TIMP3: variants seen among roughly 807,000 people sequenced by gnomAD.
The protein encoded by TIMP3 is TIMP metallopeptidase inhibitor 3.
A neutral mutation model predicts 30.0 loss-of-function variants in TIMP3; 11 were observed. The observed-to-expected ratio is 0.37, with a 90% confidence interval of 0.23 to 0.61. The LOEUF (loss-of-function observed/expected upper bound fraction) is 0.61. Among genes scored for constraint, TIMP3 ranks in the 20% least tolerant of loss-of-function variants. The probability of loss-of-function intolerance (pLI) is 0.70; values close to 1 mark genes in which losing one functional copy is unlikely to be tolerated. For synonymous variants in TIMP3, 112 were observed against 111.3 expected, an observed-to-expected ratio of 1.01 and a Z score of -0.04; for missense variants, 181 against 276.8, an observed-to-expected ratio of 0.65 and a Z score of 2.45.
intron 2 of TIMP3, among the ~76,000 whole-genome samples, chr22:32,850,206 G>T (rs2146248638): frequency 6.6e-6 from 1 of 151,706 alleles, no homozygotes; most frequent in Middle Eastern, 3.4e-3. Context: ...TTAAGAAAAA[G>T]AACACCAGAT....
chr22:32,828,868 G>A (rs2047489771), intron 1 of TIMP3, among the ~76,000 whole-genome samples: 1 of 152,140 alleles, frequency 6.6e-6, no homozygotes, highest in Admixed American at 6.5e-5. Flanking sequence ...CAAGCTTGGG[G>A]GAGACAGTCA....
chr22:32,859,099 G>A (rs780963197), intron 4 of TIMP3, 81 bp from the exon 5 acceptor site: 8 of 1,443,936 alleles, frequency 5.5e-6, no homozygotes, highest in South Asian at 1.1e-5. Flanking sequence ...TGGCCCCAGG[G>A]TCTGAATCCA....
intron 1 of TIMP3, among the ~76,000 whole-genome samples, chr22:32,843,924 G>T (rs1373801126): frequency 6.6e-6 from 1 of 152,112 alleles, no homozygotes; most frequent in Non-Finnish European, 1.5e-5. Flanking sequence ...ACAGGAATGG[G>T]GGTGTTGTGT....
chr22:32,835,309 G>A (rs2047698486), intron 1 of TIMP3, among the ~76,000 whole-genome samples: 1 of 152,216 alleles, frequency 6.6e-6, no homozygotes, highest in Non-Finnish European at 1.5e-5. Context: ...AGATACAATT[G>A]TGAGCAAAGC....
rs193154411 is a variant in TIMP3, at chr22:32,811,234, G to A, written c.121+9112G>A. 4.8e-3 allele frequency among the ~76,000 whole-genome samples: 726 copies of A among 152,254 alleles called. 9 individuals carry two copies. Among genetic ancestry groups the A allele is most frequent in the African/African-American group, 0.015 (618 of 41,552 alleles). On this transcript the variant is annotated intron_variant, in intron 1 of 4. Transcript: ENST00000266085. The stretch of plus-strand genomic sequence containing the variant: ...ATCAAAGATAAGCAGACTGAGGGGG[G>A]CCCCAAAAGTGGGGAGCCAAAGACT...
intron 1 of TIMP3, among the ~76,000 whole-genome samples, chr22:32,831,025 G>A (rs1485972835): frequency 6.6e-6 from 1 of 152,206 alleles, no homozygotes; most frequent in African/African-American, 2.4e-5. Context: ...TATTGACAGA[G>A]TGAAAAGTAT....
intron 1 of TIMP3, among the ~76,000 whole-genome samples, chr22:32,815,481 C>T (rs1390768048): frequency 6.6e-6 from 1 of 152,146 alleles, no homozygotes; most frequent in Non-Finnish European, 1.5e-5. Flanking sequence ...CCTTTTAAAG[C>T]ATTATCTCCT....
Position 32,862,262 on chromosome 22 carries a change from T to G in TIMP3, c.*2885T>G, listed in dbSNP as rs1239595882. 6.6e-6 allele frequency: 1 copy of G among 152,276 alleles called. No individual in the cohort carries two copies. The highest frequency in any genetic ancestry group is 1.5e-5 in the Non-Finnish European group (1 of 68,096). The allele number at this position is 152,276 out of a possible 1,614,324, so 9.4% of individuals were successfully genotyped here. A position where few individuals can be genotyped will look rare whatever the true frequency, so the allele number is the denominator to read the frequency against. On this transcript the variant is annotated 3_prime_UTR_variant, in exon 5 of 5. Coordinates refer to ENST00000266085, the MANE Select transcript of TIMP3 (RefSeq NM_000362.5). Reference sequence around the variant, plus strand: ...ACAATTCCAAGTTCTCGCTTCCTCCTTTGGGCATCTCTTCTGCCTCCCAAT... The same window carrying G: ...ACAATTCCAAGTTCTCGCTTCCTCCGTTGGGCATCTCTTCTGCCTCCCAAT...
chr22:32,836,063 C>CT (rs2047721496), intron 1 of TIMP3, among the ~76,000 whole-genome samples: 1 of 152,178 alleles, frequency 6.6e-6, no homozygotes, highest in Non-Finnish European at 1.5e-5. Context: ...AGCTTTGCTG[C>CT]TGGGCATATT....
intron 1 of TIMP3, among the ~76,000 whole-genome samples, chr22:32,809,887 G>A (rs2046867400): frequency 2.0e-5 from 3 of 152,154 alleles, no homozygotes; most frequent in South Asian, 4.2e-4. Context: ...TTTCATGCCA[G>A]CTTAGCATCT....
intron 1 of TIMP3, among the ~76,000 whole-genome samples, chr22:32,817,880 C>T (rs930183289): frequency 6.6e-6 from 1 of 152,154 alleles, no homozygotes; most frequent in African/African-American, 2.4e-5. Context: ...CACCCTGGTC[C>T]CCTGGTCGTC....
intron 1 of TIMP3, among the ~76,000 whole-genome samples, chr22:32,830,007 T>C (rs1225862037): frequency 6.6e-6 from 1 of 152,202 alleles, no homozygotes; most frequent in Non-Finnish European, 1.5e-5. Context: ...TACCAGTCAA[T>C]GTCCCTCGCT....
chr22:32,826,799 G>A (rs1377140248), intron 1 of TIMP3, among the ~76,000 whole-genome samples: 1 of 152,128 alleles, frequency 6.6e-6, no homozygotes, highest in Non-Finnish European at 1.5e-5. Context: ...AGGAGTTCAT[G>A]GGGGAGTGAG....
At chr22:32,830,145 T>C (rs533811314) in intron 1 of TIMP3, among the ~76,000 whole-genome samples, 4 of 152,236 alleles carry the variant, frequency 2.6e-5, no homozygotes, top group South Asian at 2.1e-4. Flanking sequence ...AGCTAGTACT[T>C]TGCATTTTCT....
chr22:32,845,177 C>A (rs1341440185), intron 1 of TIMP3, among the ~76,000 whole-genome samples: 3 of 151,838 alleles, frequency 2.0e-5, no homozygotes, highest in African/African-American at 7.3e-5. Flanking sequence ...GCTTCTGTAC[C>A]TTGGAGACTA....
intron 1 of TIMP3, among the ~76,000 whole-genome samples, chr22:32,842,423 A>T (rs2047936380): frequency 6.6e-6 from 1 of 152,160 alleles, no homozygotes; most frequent in Non-Finnish European, 1.5e-5. Flanking sequence ...CCAGAGAGGC[A>T]GCAGATATCT....
At chr22:32,822,946 G>A (rs895399667) in intron 1 of TIMP3, among the ~76,000 whole-genome samples, 3 of 152,090 alleles carry the variant, frequency 2.0e-5, no homozygotes, top group Non-Finnish European at 4.4e-5. Context: ...AAAACAGAGA[G>A]AGAGAGATGA....
intron 1 of TIMP3, among the ~76,000 whole-genome samples, chr22:32,803,182 C>T (rs760304667): frequency 6.6e-5 from 10 of 152,064 alleles, no homozygotes; most frequent in South Asian, 2.1e-4. Flanking sequence ...CTGGGCTGGG[C>T]GGTGGGGTGG....
intron 1 of TIMP3, among the ~76,000 whole-genome samples, chr22:32,809,618 A>C (rs2046858880): frequency 2.0e-5 from 3 of 152,170 alleles, no homozygotes; most frequent in African/African-American, 4.8e-5. Flanking sequence ...GTGTTGATTA[A>C]CTTTCCATTA....
Sources: gnomAD v4.1 joint callset for allele counts (sites outside exome capture counted in the v4.1 genomes callset) on GRCh38, gnomAD v4.1.1 for gene constraint, MANE v1.5 for transcripts, NCBI Gene and HGNC (gene_info 2026-07-23, HGNC 2026-07-21) for gene names.